The following CHD7 variants were observed in gnomAD, a reference collection of about 807,000 sequenced individuals.
The protein encoded by CHD7 is ATP-dependent chromatin remodeler CHD7.
Under a neutral mutation model 307.3 loss-of-function variants are expected in CHD7, and 24 were observed. That is an observed-to-expected ratio of 0.08 (90% CI 0.06 to 0.11). CHD7 has a LOEUF of 0.11. CHD7 is among the 10% of genes least tolerant of loss of function. The pLI, the probability that CHD7 is intolerant of heterozygous loss-of-function variation, is 1.00. For missense variants in CHD7, 3,106 were observed against 3,727.1 expected (o/e 0.83, Z 4.34); for synonymous variants, 1,363 against 1,349.9 (o/e 1.01, Z -0.21).
rs904101121 is a variant in CHD7 at position 60,852,311 on chromosome 8, C to T, written c.5894+64C>T. 2.5e-5 allele frequency: 36 copies of T among 1,442,244 alleles called. No individual in the cohort carries two copies. The East Asian group carries it at 6.8e-4, about 27-fold the overall frequency. 89.3% of individuals were successfully genotyped at this position (1,442,244 alleles called of 1,614,324 possible). The stretch of plus-strand genomic sequence containing the variant: ...TGCCCCTCTGCCCTGCTCCTGTAGA[C>T]CCACAAGAGACAGGACTCATATCAA... On this transcript the variant is annotated intron_variant, in intron 29 of 37. Transcript: ENST00000423902.
intron 1 of CHD7, among the ~76,000 whole-genome samples, chr8:60,717,884 G>A (rs1288254303): frequency 6.6e-6 from 1 of 152,162 alleles, no homozygotes; most frequent in Admixed American, 6.5e-5. Context: ...GATAATGACA[G>A]TAAACTGTGT....
intron 3 of CHD7, among the ~76,000 whole-genome samples, chr8:60,794,400 C>G (rs1203356366): frequency 1.3e-5 from 2 of 152,114 alleles, no homozygotes; most frequent in African/African-American, 4.8e-5. Flanking sequence ...TCTCAAAAAA[C>G]ACGTAGCACC....
chr8:60,823,458 A>G (rs1175644511), intron 12 of CHD7, among the ~76,000 whole-genome samples: 1 of 152,178 alleles, frequency 6.6e-6, no homozygotes, highest in African/African-American at 2.4e-5. Flanking sequence ...TGCATGTTCT[A>G]AGTATAAAAT....
chr8:60,860,766 A>T, intron 34 of CHD7, 138 bp from the exon 35 acceptor site: 1 of 717,532 alleles, frequency 1.4e-6, no homozygotes, highest in South Asian at 2.1e-5. Flanking sequence ...CTGTTCCCAA[A>T]CAACTAGACA....
Position 60,766,073 on chromosome 8 carries a change from C to G in CHD7, c.1666-14927C>G, listed in dbSNP as rs969802175. 1.3e-5 allele frequency among the ~76,000 whole-genome samples: 2 copies of G among 152,244 alleles called. 1 individual carries two copies. Among genetic ancestry groups the G allele is most frequent in the South Asian group, 4.1e-4 (2 of 4,832 alleles). ...AGTTAAATGAATAATACAGTGCACACCTGCTTATCATTCACCTAGAACTAA... is the reference window on the plus strand; with the variant it reads ...AGTTAAATGAATAATACAGTGCACAGCTGCTTATCATTCACCTAGAACTAA... On this transcript the variant is annotated intron_variant, in intron 2 of 37. Transcript: ENST00000423902.
chr8:60,823,282 T>A (rs563309037), intron 12 of CHD7, among the ~76,000 whole-genome samples: 2 of 152,294 alleles, frequency 1.3e-5, no homozygotes, highest in Admixed American at 6.5e-5. Context: ...CAGTGAAGTG[T>A]TATAAATGAC....
chr8:60,712,879 T>G (rs572424288), intron 1 of CHD7, among the ~76,000 whole-genome samples: 1 of 151,826 alleles, frequency 6.6e-6, no homozygotes, highest in African/African-American at 2.4e-5. Flanking sequence ...GTGAAACTCC[T>G]TCTCCACTAA....
At chr8:60,756,676 G>C (rs1458720649) in intron 2 of CHD7, among the ~76,000 whole-genome samples, 2 of 152,148 alleles carry the variant, frequency 1.3e-5, no homozygotes, top group Non-Finnish European at 2.9e-5. Context: ...GGGCAGCATA[G>C]TGAGACTGTC....
intron 15 of CHD7, among the ~76,000 whole-genome samples, chr8:60,834,120 A>G (rs1201640310): frequency 6.6e-6 from 1 of 152,200 alleles, no homozygotes; most frequent in Non-Finnish European, 1.5e-5. Flanking sequence ...TTATTTTTTT[A>G]ATCTCTGAAT....
Position 60,856,768 on chromosome 8 carries a change from T to C in CHD7, c.7488T>C (p.His2496=), listed in dbSNP as rs995534410. The C allele has an allele frequency of 6.2e-7, 1 of 1,613,898 alleles. No individual in the cohort carries two copies. Among genetic ancestry groups the C allele is most frequent in the Non-Finnish European group, 8.5e-7 (1 of 1,179,858 alleles). The change falls in exon 34 of 38, where the codon CAT becomes CAC. Residue 2496 remains histidine, a synonymous_variant. Coordinates refer to ENST00000423902, the MANE Select transcript of CHD7 (RefSeq NM_017780.4). ...GCCTTTCGCGCACACCCACAAGGCA[T>C]CTCCTTAATGGCTCCCTAGTGGATG... ...QAGLSRTPTR[H]LLNGSLVDGE... is the part of the protein sequence containing the mutation.
At chr8:60,800,080 C>A (rs927071446) in intron 4 of CHD7, among the ~76,000 whole-genome samples, 2 of 151,760 alleles carry the variant, frequency 1.3e-5, no homozygotes, top group African/African-American at 4.8e-5. Context: ...GTCCAGACTG[C>A]AGTGCAGTGG....
chr8:60,806,181 T>A (rs1812527533), intron 6 of CHD7, among the ~76,000 whole-genome samples: 1 of 152,056 alleles, frequency 6.6e-6, no homozygotes, highest in South Asian at 2.1e-4. Context: ...TCTAACACGG[T>A]GAAACCCCGT....
At chr8:60,813,420 A>G (rs180822997) in intron 7 of CHD7, among the ~76,000 whole-genome samples, 2 of 152,298 alleles carry the variant, frequency 1.3e-5, no homozygotes, top group East Asian at 3.9e-4. Flanking sequence ...TACATTGGCT[A>G]ATAACCTCAA....
chr8:60,848,458 T>C, intron 23 of CHD7, 57 bp from the exon 24 acceptor site: 1 of 1,266,420 alleles, frequency 7.9e-7, no homozygotes, highest in South Asian at 1.3e-5. Flanking sequence ...CAAAAGCCAC[T>C]GTTGGCAAAC....
chr8:60,738,644 A>G (rs1254182625), intron 1 of CHD7, among the ~76,000 whole-genome samples: 3 of 152,178 alleles, frequency 2.0e-5, no homozygotes, highest in Admixed American at 1.3e-4. Flanking sequence ...GAAATATGAA[A>G]TGCAGCTACC....
At position 60,788,805 on chromosome 8, in the gene CHD7, A is replaced by C. The variant is rs1374661432; in HGVS notation, c.2097-6181A>C. Among the ~76,000 whole-genome samples the C allele has an allele frequency of 3.3e-5, 5 of 152,188 alleles. No individual in the cohort carries two copies. In the South Asian group the frequency reaches 1.0e-3, roughly 31 times the overall value. ...GAAGTTGTTGACCTCTGGGTTTATT[A>C]TCTGCCATTCAGAGTTTGATTTGTC... On this transcript the variant is annotated intron_variant, in intron 3 of 37. Coordinates refer to ENST00000423902, the MANE Select transcript of CHD7 (RefSeq NM_017780.4).
chr8:60,843,306 C>T (rs893171183), intron 21 of CHD7, among the ~76,000 whole-genome samples: 1 of 152,164 alleles, frequency 6.6e-6, no homozygotes, highest in African/African-American at 2.4e-5. Context: ...TCCCAAAAGC[C>T]CTGCCCCGCA....
chr8:60,787,829 CTTTTTTTT>C (rs33993174), intron 3 of CHD7, among the ~76,000 whole-genome samples: 5 of 108,826 alleles, frequency 4.6e-5, no homozygotes, highest in Non-Finnish European at 9.5e-5. Context: ...GATTTTCTTT[CTTTTTTTT>C]TTTTTTTTTT....
At chr8:60,749,198 CT>C (rs1809499903) in intron 2 of CHD7, among the ~76,000 whole-genome samples, 2 of 151,132 alleles carry the variant, frequency 1.3e-5, no homozygotes, top group South Asian at 4.2e-4. Context: ...TAGTGAAACC[CT>C]GTCTCTACTA....
Sources: gnomAD v4.1 joint callset for allele counts (sites outside exome capture counted in the v4.1 genomes callset) on GRCh38, gnomAD v4.1.1 for gene constraint, MANE v1.5 for transcripts, NCBI Gene and HGNC (gene_info 2026-07-23, HGNC 2026-07-21) for gene names.